ATP6V1C1: variants seen among roughly 807,000 people sequenced by gnomAD.
The protein encoded by ATP6V1C1 is V-type proton ATPase subunit C 1.
In ATP6V1C1, 45 loss-of-function variants were observed where a neutral mutation model predicts 53.9. The observed-to-expected ratio is 0.83, with a 90% CI of 0.66 to 1.07. ATP6V1C1 has a LOEUF of 1.07. Ranked by LOEUF, ATP6V1C1 falls within the 50% of genes least tolerant of loss-of-function variation. ATP6V1C1 has a pLI of 0.00. For missense variants in ATP6V1C1, 315 were observed against 440.3 expected (o/e 0.72, Z 2.55); for synonymous variants, 153 against 155.2 (o/e 0.99, Z 0.11).
chr8:103,055,436 C>G (rs1336191376), intron 7 of ATP6V1C1, among the ~76,000 whole-genome samples: 1 of 152,142 alleles, frequency 6.6e-6, no homozygotes, highest in Admixed American at 6.6e-5. Context: ...CATTTACTTA[C>G]TACCTCATGG....
chr8:103,066,660 A>G (rs1249608528), intron 12 of ATP6V1C1, among the ~76,000 whole-genome samples: 1 of 152,206 alleles, frequency 6.6e-6, no homozygotes, highest in African/African-American at 2.4e-5. Flanking sequence ...TGGCATTTCT[A>G]CAAGCTAGTA....
chr8:103,062,029 A>G (rs1344450171), intron 8 of ATP6V1C1, among the ~76,000 whole-genome samples: 1 of 152,160 alleles, frequency 6.6e-6, no homozygotes, highest in Non-Finnish European at 1.5e-5. Context: ...AGGTCTTTCT[A>G]GTGATGTCCA....
intron 1 of ATP6V1C1, among the ~76,000 whole-genome samples, chr8:103,029,303 C>A (rs1816752603): frequency 6.6e-6 from 1 of 151,038 alleles, no homozygotes; most frequent in Admixed American, 6.6e-5. Flanking sequence ...TTTCAAGACC[C>A]TCTGTCACCC....
chr8:103,038,004 C>T (rs986562885), intron 1 of ATP6V1C1, among the ~76,000 whole-genome samples: 2 of 152,176 alleles, frequency 1.3e-5, no homozygotes, highest in Non-Finnish European at 2.9e-5. Context: ...TGGCAATACC[C>T]AAAAGAGTTG....
intron 1 of ATP6V1C1, among the ~76,000 whole-genome samples, chr8:103,028,376 T>C (rs1296118820): frequency 2.0e-5 from 3 of 152,122 alleles, no homozygotes; most frequent in Non-Finnish European, 1.5e-5. Flanking sequence ...CAGATTTGAG[T>C]TTTGTTTCCA....
intron 12 of ATP6V1C1, among the ~76,000 whole-genome samples, chr8:103,068,172 G>A (rs1405200119): frequency 6.6e-6 from 1 of 152,150 alleles, no homozygotes; most frequent in Non-Finnish European, 1.5e-5. Flanking sequence ...TTTTTGTAGC[G>A]ATAGAGTCTC....
chr8:103,044,521 C>T (rs1344384091), intron 3 of ATP6V1C1, among the ~76,000 whole-genome samples: 2 of 152,192 alleles, frequency 1.3e-5, no homozygotes, highest in Non-Finnish European at 2.9e-5. Flanking sequence ...GGCACCCTTA[C>T]TGAAAATCAA....
rs574302131 is a variant in ATP6V1C1 at position 103,069,196 on chromosome 8, A to G, written c.*449A>G. 3.3e-5 allele frequency: 5 copies of G among 152,336 alleles called. No individual in the cohort carries two copies. Among genetic ancestry groups the G allele is most frequent in the Admixed American group, 2.6e-4 (4 of 15,278 alleles). 9.4% of individuals were successfully genotyped at this position (152,336 alleles called of 1,614,324 possible). On this transcript the variant is annotated 3_prime_UTR_variant, in exon 13 of 13. Transcript: ENST00000518738. The stretch of plus-strand genomic sequence containing the variant: ...ATGTAAAGAATATGTGACCATCTTC[A>G]GGTATGGGATTTCTGAACGTTTCAA...
intron 1 of ATP6V1C1, among the ~76,000 whole-genome samples, chr8:103,035,393 A>G (rs191306860): frequency 6.6e-6 from 1 of 152,324 alleles, no homozygotes; most frequent in South Asian, 2.1e-4. Flanking sequence ...CCAGGAATTT[A>G]GTGTATTCTG....
rs796753077 is a variant in ATP6V1C1 at position 103,053,777 on chromosome 8, C to G, written c.474-107C>G. 16 of 761,770 alleles carry G rather than the reference C, an allele frequency of 2.1e-5. No individual in the cohort carries two copies. In the African/African-American group the frequency reaches 2.9e-4, roughly 14 times the overall value. 47.2% of individuals were successfully genotyped at this position (761,770 alleles called of 1,614,324 possible). A position where few individuals can be genotyped will look rare whatever the true frequency, so the allele number is the denominator to read the frequency against. On this transcript the variant is annotated intron_variant, in intron 6 of 12. Transcript: ENST00000518738. The stretch of plus-strand genomic sequence containing the variant: ...TAAAAATGTTGACTAAGACTAATCC[C>G]TCTCAATGTATATATAGTATATGTG...
rs1817430091 is a variant in ATP6V1C1, at chr8:103,063,050, A to G, written c.734+3A>G. ...AGACACAAAGCCAGAGAAAACAAGT[A>G]AGATTATTGTTTTTTTGTTTATTTA... On this transcript the variant is annotated splice_donor_region_variant and intron_variant, in intron 9 of 12. Transcript: ENST00000518738. 1.9e-6 allele frequency: 3 copies of G among 1,613,764 alleles called. No individual in the cohort carries two copies. Among genetic ancestry groups the G allele is most frequent in the African/African-American group, 1.3e-5 (1 of 75,036 alleles).
chr8:103,031,404 C>T (rs770496317), intron 1 of ATP6V1C1, among the ~76,000 whole-genome samples: 51 of 152,070 alleles, frequency 3.4e-4, no homozygotes, highest in Non-Finnish European at 5.3e-4. Flanking sequence ...GCATGGCATC[C>T]GGATCTCAGC....
intron 5 of ATP6V1C1, 70 bp from the exon 6 acceptor site, chr8:103,052,661 A>G (rs913070441): frequency 1.5e-4 from 115 of 777,148 alleles, no homozygotes; most frequent in Non-Finnish European, 2.0e-4. Flanking sequence ...AAGTTTAGCT[A>G]CTTTGATAGT....
intron 1 of ATP6V1C1, among the ~76,000 whole-genome samples, chr8:103,030,690 G>C (rs1816782322): frequency 6.6e-6 from 1 of 152,156 alleles, no homozygotes; most frequent in African/African-American, 2.4e-5. Flanking sequence ...ACTTGGGGAA[G>C]GTTTATCTGG....
chr8:103,060,355 C>T (rs546925787), intron 8 of ATP6V1C1, among the ~76,000 whole-genome samples: 59 of 152,174 alleles, frequency 3.9e-4, no homozygotes, highest in Non-Finnish European at 7.3e-4. Flanking sequence ...CTGTCTGGAA[C>T]GTTCTTCTCT....
At chr8:103,026,071 G>A (rs1816689362) in intron 1 of ATP6V1C1, among the ~76,000 whole-genome samples, 1 of 152,192 alleles carries the variant, frequency 6.6e-6, no homozygotes, top group Non-Finnish European at 1.5e-5. Context: ...TTGCCCACTG[G>A]GTCACCGCTG....
intron 8 of ATP6V1C1, among the ~76,000 whole-genome samples, chr8:103,060,862 A>G (rs1210382642): frequency 1.3e-5 from 2 of 152,222 alleles, no homozygotes; most frequent in South Asian, 2.1e-4. Context: ...AATAGCTAGG[A>G]ACCTGCTTAA....
At chr8:103,050,552 C>T (rs1004107092) in intron 4 of ATP6V1C1, among the ~76,000 whole-genome samples, 1 of 152,118 alleles carries the variant, frequency 6.6e-6, no homozygotes, top group Non-Finnish European at 1.5e-5. Flanking sequence ...TTTAGCTCTA[C>T]ATGTTTTATT....
chr8:103,034,650 C>G lies in ATP6V1C1; in HGVS notation c.-39-6148C>G, dbSNP rs1163439111. Among the ~76,000 whole-genome samples, 49 of 151,794 alleles carry G rather than the reference C, an allele frequency of 3.2e-4. 1 individual carries two copies. The highest frequency in any genetic ancestry group is 2.9e-5 in the Non-Finnish European group (2 of 67,952). On this transcript the variant is annotated intron_variant, in intron 1 of 12. Transcript: ENST00000518738. ...GTGGCTCCATCTTGGCTCACTGCAA[C>G]CTTTGCCTCCAGGGTTCAAGTGATT...
Sources: allele counts gnomAD v4.1 joint callset (sites outside exome capture counted in the v4.1 genomes callset), GRCh38; gene constraint gnomAD v4.1.1; transcripts MANE v1.5; gene names NCBI Gene and HGNC (gene_info 2026-07-23, HGNC 2026-07-21).